Variants in SPRED1 observed in about 807,000 individuals in gnomAD.
The protein encoded by SPRED1 is sprouty-related, EVH1 domain-containing protein 1.
A neutral mutation model predicts 52.3 loss-of-function variants in SPRED1; 18 were observed. That is an observed-to-expected ratio of 0.34 (90% CI 0.24 to 0.51). The LOEUF (loss-of-function observed/expected upper bound fraction) is 0.51. Among genes scored for constraint, SPRED1 ranks in the 20% least tolerant of loss-of-function variants. The pLI, the probability that SPRED1 is intolerant of heterozygous loss-of-function variation, is 0.97. For synonymous variants in SPRED1, 155 were observed against 179.7 expected (o/e 0.86, Z 1.10); for missense variants, 485 against 551.0 (o/e 0.88, Z 1.20).
intron 5 of SPRED1, among the ~76,000 whole-genome samples, chr15:38,346,267 C>T (rs556918876): frequency 1.3e-5 from 2 of 151,008 alleles, no homozygotes; most frequent in Admixed American, 6.6e-5. Context: ...CAGTGAGCCA[C>T]GTACGCCATT....
At chr15:38,323,963 A>G (rs1895655793) in intron 3 of SPRED1, among the ~76,000 whole-genome samples, 1 of 152,334 alleles carries the variant, frequency 6.6e-6, no homozygotes, top group East Asian at 1.9e-4. Context: ...AGAGTAGACT[A>G]CAGTACTTAG....
At chr15:38,322,202 ATATATG>A in intron 2 of SPRED1, 33 bp from the exon 3 acceptor site, 1 of 1,589,900 alleles carries the variant, frequency 6.3e-7, no homozygotes, top group Non-Finnish European at 8.6e-7. Flanking sequence ...GATGCATTTG[ATATATG>A]TATATTAATT....
chr15:38,258,008 A>G (rs1894134201), intron 1 of SPRED1, among the ~76,000 whole-genome samples: 1 of 152,210 alleles, frequency 6.6e-6, no homozygotes, highest in South Asian at 2.1e-4. Context: ...TTCAGTAGGA[A>G]CAGGAACGAC....
chr15:38,292,975 G>A (rs1002891363), intron 1 of SPRED1, among the ~76,000 whole-genome samples: 6 of 151,872 alleles, frequency 4.0e-5, no homozygotes, highest in African/African-American at 1.5e-4. Flanking sequence ...CAGGCAAAAT[G>A]CTAAGAAATC....
chr15:38,273,820 C>T (rs900219445), intron 1 of SPRED1, among the ~76,000 whole-genome samples: 1 of 152,112 alleles, frequency 6.6e-6, no homozygotes, highest in Non-Finnish European at 1.5e-5. Context: ...AGGTGAAGAA[C>T]ACGGTGGTGG....
intron 4 of SPRED1, among the ~76,000 whole-genome samples, chr15:38,331,541 C>T (rs1409389890): frequency 6.6e-6 from 1 of 152,008 alleles, no homozygotes; most frequent in Non-Finnish European, 1.5e-5. Flanking sequence ...GTTGAGCATC[C>T]CTAATCCACA....
chr15:38,263,887 G>A (rs4924229), intron 1 of SPRED1, among the ~76,000 whole-genome samples: 13,784 of 152,266 alleles, frequency 0.091, 755 homozygotes, highest in East Asian at 0.21. Flanking sequence ...TGCATTCAAA[G>A]CCGTCCTGCC....
At chr15:38,310,624 A>C (rs1177060071) in intron 2 of SPRED1, among the ~76,000 whole-genome samples, 1 of 152,156 alleles carries the variant, frequency 6.6e-6, no homozygotes, top group African/African-American at 2.4e-5. Flanking sequence ...TTTCATTAAC[A>C]TTTTGTGATT....
Position 38,253,128 on chromosome 15 carries a change from T to A in SPRED1, c.-58T>A. 1.3e-6 allele frequency: 2 copies of A among 1,527,492 alleles called. No individual in the cohort carries two copies. Among genetic ancestry groups the A allele is most frequent in the Non-Finnish European group, 1.8e-6 (2 of 1,124,590 alleles). 94.6% of individuals were successfully genotyped at this position (1,527,492 alleles called of 1,614,324 possible). On this transcript the variant is annotated 5_prime_UTR_variant, in exon 1 of 7. The change creates a new upstream start codon in the 5' untranslated region. Coordinates refer to ENST00000299084, the MANE Select transcript of SPRED1 (RefSeq NM_152594.3). ...TGCCTCCTGCCCCTCGGTGCTGCTG[T>A]TGCTCCCCCGCCTGCTGTTGCTCCT... is the stretch of plus-strand genomic sequence containing the variant.
rs1038488572 is a variant in SPRED1, at chr15:38,352,442, A to G, written c.*778A>G. On this transcript the variant is annotated 3_prime_UTR_variant, in exon 7 of 7. Coordinates refer to ENST00000299084, the MANE Select transcript of SPRED1 (RefSeq NM_152594.3). ...ATACTCTAATAGCCTTGAGTGACCA[A>G]CTTTTTTTTTAAAGCACAGATGTAA... The G allele has an allele frequency of 2.6e-5, 4 of 152,368 alleles. No individual in the cohort carries two copies. The highest frequency in any genetic ancestry group is 4.4e-5 in the Non-Finnish European group (3 of 67,958). 9.4% of individuals were successfully genotyped at this position (152,368 alleles called of 1,614,324 possible). A position where few individuals can be genotyped will look rare whatever the true frequency, so the allele number is the denominator to read the frequency against.
At chr15:38,302,407 CTTTAT>C (rs768295567) in intron 2 of SPRED1, among the ~76,000 whole-genome samples, 7 of 151,420 alleles carry the variant, frequency 4.6e-5, no homozygotes, top group African/African-American at 9.7e-5. Flanking sequence ...TTTTATTTTA[CTTTAT>C]TTTATTTTTT....
At chr15:38,283,790 A>G (rs1344256083) in intron 1 of SPRED1, among the ~76,000 whole-genome samples, 1 of 152,014 alleles carries the variant, frequency 6.6e-6, no homozygotes, top group Non-Finnish European at 1.5e-5. Flanking sequence ...GGGGATAATA[A>G]CCCTTTCTAG....
chr15:38,352,104 CAA>C lies in SPRED1; in HGVS notation c.*441_*442del, dbSNP rs1191920562. ...CACTTGGGAATTACAAGAAGTAAAA[CAA>C]GTGCAACTAAATCATTTATTAGTTG... On this transcript the variant is annotated 3_prime_UTR_variant, in exon 7 of 7. Transcript: ENST00000299084. The C allele has an allele frequency of 5.8e-6, 1 of 173,236 alleles. No individual in the cohort carries two copies. The highest frequency in any genetic ancestry group is 1.2e-5 in the Non-Finnish European group (1 of 80,744). The allele number at this position is 173,236 out of a possible 1,614,324, so 10.7% of individuals were successfully genotyped here.
intron 2 of SPRED1, among the ~76,000 whole-genome samples, chr15:38,303,178 C>G (rs1895183644): frequency 6.9e-6 from 1 of 145,552 alleles, no homozygotes; most frequent in Non-Finnish European, 1.5e-5. Context: ...GAGCGAGACT[C>G]TGTCTCAAAA....
chr15:38,335,019 T>C (rs150427669), intron 4 of SPRED1, among the ~76,000 whole-genome samples: 1 of 152,208 alleles, frequency 6.6e-6, no homozygotes, highest in African/African-American at 2.4e-5. Context: ...TCCTAGTTAG[T>C]ATATAAAAAT....
At chr15:38,314,705 T>A (rs577519127) in intron 2 of SPRED1, among the ~76,000 whole-genome samples, 1 of 152,064 alleles carries the variant, frequency 6.6e-6, no homozygotes, top group African/African-American at 2.4e-5. Context: ...CCTATGTATG[T>A]CTGACTGTCA....
intron 4 of SPRED1, among the ~76,000 whole-genome samples, chr15:38,333,359 A>G (rs1051386045): frequency 6.6e-6 from 1 of 152,216 alleles, no homozygotes; most frequent in Non-Finnish European, 1.5e-5. Flanking sequence ...AGTATGAAAC[A>G]TCAGATGCTA....
intron 5 of SPRED1, among the ~76,000 whole-genome samples, chr15:38,348,350 G>A (rs558455705): frequency 4.6e-5 from 7 of 151,700 alleles, no homozygotes; most frequent in Non-Finnish European, 1.0e-4. Context: ...ACATAGAATG[G>A]CCTCCATATT....
intron 1 of SPRED1, among the ~76,000 whole-genome samples, chr15:38,281,559 ATTTTT>A (rs542005244): frequency 3.0e-5 from 3 of 100,726 alleles, no homozygotes; most frequent in South Asian, 3.7e-4. Context: ...TGCCCATCTA[ATTTTT>A]TTTTTTTTTT....
Sources: allele counts gnomAD v4.1 joint callset (sites outside exome capture counted in the v4.1 genomes callset), GRCh38; gene constraint gnomAD v4.1.1; transcripts MANE v1.5; gene names NCBI Gene and HGNC (gene_info 2026-07-23, HGNC 2026-07-21).